Variants in ARPP21 observed in about 807,000 individuals in gnomAD.
The protein encoded by ARPP21 is cAMP regulated phosphoprotein 21, also known as cAMP-regulated phosphoprotein 21.
A neutral mutation model predicts 113.2 loss-of-function variants in ARPP21; 69 were observed. The ratio of observed to expected loss-of-function variants is 0.61; its 90% CI spans 0.50 to 0.74. ARPP21 has a LOEUF of 0.74. Among genes scored for constraint, ARPP21 ranks in the 30% least tolerant of loss-of-function variants. The pLI is 0.00. For synonymous variants in ARPP21, 368 were observed against 375.5 expected (o/e 0.98, Z 0.23); for missense variants, 1,070 against 1,037.4 (o/e 1.03, Z -0.43).
chr3:35,791,615 A>T (rs2096749309), intron 19 of ARPP21, among the ~76,000 whole-genome samples: 1 of 152,210 alleles, frequency 6.6e-6, no homozygotes, highest in South Asian at 2.1e-4. Flanking sequence ...CTACCTAAAA[A>T]AATAAAAAAA....
chr3:35,717,068 G>T (rs565633040), intron 12 of ARPP21, among the ~76,000 whole-genome samples: 7 of 151,718 alleles, frequency 4.6e-5, no homozygotes, highest in African/African-American at 1.4e-4. Context: ...TATTCCCTCT[G>T]CTTCCTCTTT....
intron 1 of ARPP21, among the ~76,000 whole-genome samples, chr3:35,650,880 G>A (rs1447802950): frequency 6.6e-6 from 1 of 152,076 alleles, no homozygotes; most frequent in Non-Finnish European, 1.5e-5. Flanking sequence ...CACAGTTTAA[G>A]GTACCTGATC....
Position 35,667,647 on chromosome 3 carries a change from A to G in ARPP21, c.-212-12140A>G, listed in dbSNP as rs1039632563. Among the ~76,000 whole-genome samples, 2 of 152,084 alleles carry G rather than the reference A, an allele frequency of 1.3e-5. 1 individual carries two copies. Among genetic ancestry groups the G allele is most frequent in the Non-Finnish European group, 2.9e-5 (2 of 68,014 alleles). On this transcript the variant is annotated intron_variant, in intron 1 of 20. Transcript: ENST00000684406. ...TATTTGAAAGAGGTGCTAGATTAAA[A>G]GAAGAGAAAAAGATATGTAAGAGTC... is the stretch of plus-strand genomic sequence containing the variant.
chr3:35,737,103 A>T, intron 15 of ARPP21, 75 bp from the exon 16 acceptor site: 1 of 863,656 alleles, frequency 1.2e-6, no homozygotes, highest in Non-Finnish European at 1.9e-6. Flanking sequence ...CTTTTTGAGT[A>T]TCTAACAGAG....
rs377113776 is a variant in ARPP21 at position 35,769,277 on chromosome 3, T to C, written c.2138-23105T>C. On this transcript the variant is annotated intron_variant, in intron 19 of 20. Coordinates refer to ENST00000684406, the MANE Select transcript of ARPP21 (RefSeq NM_001385562.1). ...TGCCCGCGAAGAGGCACTGCAACCA[T>C]AGGGTATCATAATAACCCTTTTATT... Among the ~76,000 whole-genome samples, 8 of 152,248 alleles carry C rather than the reference T, an allele frequency of 5.3e-5. No homozygotes were observed. The East Asian group carries it at 1.4e-3, about 26-fold the overall frequency.
At chr3:35,653,314 G>C (rs1389496046) in intron 1 of ARPP21, among the ~76,000 whole-genome samples, 4 of 151,874 alleles carry the variant, frequency 2.6e-5, no homozygotes, top group Admixed American at 2.6e-4. Context: ...TTTGTAATAT[G>C]AATTACCCTG....
intron 15 of ARPP21, among the ~76,000 whole-genome samples, chr3:35,736,591 A>G (rs185802156): frequency 2.6e-4 from 39 of 152,334 alleles, no homozygotes; most frequent in Non-Finnish European, 4.7e-4. Context: ...GTGATGTACT[A>G]CTTTTAAAAT....
intron 9 of ARPP21, among the ~76,000 whole-genome samples, chr3:35,695,981 G>A (rs927488934): frequency 3.3e-5 from 5 of 151,552 alleles, no homozygotes; most frequent in African/African-American, 7.3e-5. Flanking sequence ...CTCAAATCCA[G>A]GAGACTTTAA....
chr3:35,704,113 T>C (rs2087654893), intron 9 of ARPP21, among the ~76,000 whole-genome samples: 1 of 151,888 alleles, frequency 6.6e-6, no homozygotes. Flanking sequence ...TTCAAATAGT[T>C]TCTCCATGAT....
At chr3:35,753,965 G>GTTT (rs10706706) in intron 19 of ARPP21, among the ~76,000 whole-genome samples, 34 of 132,040 alleles carry the variant, frequency 2.6e-4, no homozygotes, top group Non-Finnish European at 5.1e-4. Context: ...AATTGAGAAG[G>GTTT]TTTTTTTTTT....
In ARPP21 at chr3:35,657,077, G is replaced by A. The variant is rs116155585; in HGVS notation, c.-213+16679G>A. 5.4e-3 allele frequency among the ~76,000 whole-genome samples: 822 copies of A among 151,938 alleles called. 6 individuals carry two copies. The highest frequency in any genetic ancestry group is 0.019 in the African/African-American group (785 of 41,450). ...ATAGTCCTTAACTGTGTTACCCCTG[G>A]TACCCTTCCCCTATTTTCTCATTCG... On this transcript the variant is annotated intron_variant, in intron 1 of 20. Coordinates refer to ENST00000684406, the MANE Select transcript of ARPP21 (RefSeq NM_001385562.1).
At chr3:35,786,747 C>A (rs1012809750) in intron 19 of ARPP21, among the ~76,000 whole-genome samples, 38 of 152,030 alleles carry the variant, frequency 2.5e-4, no homozygotes, top group Middle Eastern at 3.2e-3. Context: ...AAATCGATGC[C>A]TTCCTTGTGC....
At chr3:35,767,324 G>T (rs185761552) in intron 19 of ARPP21, among the ~76,000 whole-genome samples, 1 of 152,152 alleles carries the variant, frequency 6.6e-6, no homozygotes, top group African/African-American at 2.4e-5. Context: ...ACTATATGAA[G>T]ATATCATGTC....
At chr3:35,689,728 C>G (rs896807046) in intron 7 of ARPP21, among the ~76,000 whole-genome samples, 3 of 151,614 alleles carry the variant, frequency 2.0e-5, no homozygotes, top group African/African-American at 7.3e-5. Flanking sequence ...CATTTACAGT[C>G]AATACTTGGC....
intron 15 of ARPP21, among the ~76,000 whole-genome samples, chr3:35,736,860 C>T (rs981040984): frequency 1.3e-5 from 2 of 152,198 alleles, no homozygotes; most frequent in Non-Finnish European, 2.9e-5. Flanking sequence ...AAACATCTAG[C>T]TTTGTGAAGA....
In ARPP21 at chr3:35,729,494, A is replaced by G. The variant is rs1023514849; in HGVS notation, c.1417A>G (p.Thr473Ala). 4.3e-6 allele frequency: 7 copies of G among 1,614,212 alleles called. No homozygotes were observed. The highest frequency in any genetic ancestry group is 4.5e-5 in the East Asian group (2 of 44,864). ...CATCCTCCTTCCACTTGAAGCTGCA[A>G]CAGGCATCCCGCCTGGAAGCATCCT... ...SYILLPLEAA[T>A]GIPPGSILLN... The change falls in exon 15 of 21, where the codon ACA becomes GCA. Residue 473 changes from threonine (T) to alanine (A), a missense_variant. Thr to Ala is a moderately conservative substitution (Grantham distance 58, BLOSUM62 0). Transcript: ENST00000684406.
intron 1 of ARPP21, among the ~76,000 whole-genome samples, chr3:35,676,244 T>C (rs903921782): frequency 6.6e-6 from 1 of 151,990 alleles, no homozygotes; most frequent in African/African-American, 2.4e-5. Flanking sequence ...ATGATTATTA[T>C]GGTGCTACTC....
chr3:35,720,685 C>G (rs2092966107), intron 13 of ARPP21, among the ~76,000 whole-genome samples: 1 of 152,132 alleles, frequency 6.6e-6, no homozygotes, highest in South Asian at 2.1e-4. Flanking sequence ...ATGCTTTAGA[C>G]AGATTGGAAA....
chr3:35,670,986 A>T (rs1427493039), intron 1 of ARPP21, among the ~76,000 whole-genome samples: 1 of 152,166 alleles, frequency 6.6e-6, no homozygotes, highest in Non-Finnish European at 1.5e-5. Flanking sequence ...CCCAAACACA[A>T]GTCAAATCCT....
Sources: gnomAD v4.1 joint callset for allele counts (sites outside exome capture counted in the v4.1 genomes callset) on GRCh38, gnomAD v4.1.1 for gene constraint, MANE v1.5 for transcripts, NCBI Gene and HGNC (gene_info 2026-07-23, HGNC 2026-07-21) for gene names.